IFT80: variants seen among roughly 807,000 people sequenced by gnomAD.
IFT80 encodes the protein intraflagellar transport 80, also known as intraflagellar transport protein 80 homolog.
A neutral mutation model predicts 107.9 loss-of-function variants in IFT80; 79 were observed. The ratio of observed to expected loss-of-function variants is 0.73; its 90% CI spans 0.61 to 0.88. The LOEUF is 0.88. IFT80 is among the 40% of genes least tolerant of loss of function. IFT80 has a pLI of 0.00. For synonymous variants in IFT80, 299 were observed against 300.9 expected, an observed-to-expected ratio of 0.99 and a Z score of 0.07; for missense variants, 797 against 914.2, an observed-to-expected ratio of 0.87 and a Z score of 1.65.
chr3:160,336,848 G>T (rs1021036611), intron 8 of IFT80, among the ~76,000 whole-genome samples: 2 of 151,998 alleles, frequency 1.3e-5, no homozygotes, highest in African/African-American at 4.8e-5. Context: ...TTAACCTAAT[G>T]ATTACATTTA....
chr3:160,350,185 C>G (rs1416867807), intron 8 of IFT80, among the ~76,000 whole-genome samples: 4 of 151,610 alleles, frequency 2.6e-5, no homozygotes, highest in Non-Finnish European at 4.4e-5. Context: ...GAGGCCAAGA[C>G]GAACAGATCA....
At chr3:160,360,340 G>A (rs1721402764) in intron 6 of IFT80, among the ~76,000 whole-genome samples, 1 of 152,202 alleles carries the variant, frequency 6.6e-6, no homozygotes, top group Admixed American at 6.5e-5. Context: ...AAGCCTCCAA[G>A]AAATATGGGA....
intron 19 of IFT80, among the ~76,000 whole-genome samples, chr3:160,263,718 C>T (rs977693278): frequency 1.3e-5 from 2 of 151,820 alleles, no homozygotes; most frequent in Admixed American, 6.6e-5. Context: ...ACTCTGTTGC[C>T]CATGCTGGAG....
In IFT80 at chr3:160,257,559, T is replaced by C. The variant is rs1194259481; in HGVS notation, c.*966A>G. Reference sequence around the variant, plus strand: ...CAAGTCAAGAGAGGAATGAGGAGAATCCTTCTTGCCCATTCTAGATATATT... The same window carrying C: ...CAAGTCAAGAGAGGAATGAGGAGAACCCTTCTTGCCCATTCTAGATATATT... On this transcript the variant is annotated 3_prime_UTR_variant, in exon 20 of 20. Coordinates refer to ENST00000326448, the MANE Select transcript of IFT80 (RefSeq NM_020800.3). 6.6e-6 allele frequency: 1 copy of C among 152,166 alleles called. No individual in the cohort carries two copies. Among genetic ancestry groups the C allele is most frequent in the Non-Finnish European group, 1.5e-5 (1 of 68,032 alleles). 9.4% of individuals were successfully genotyped at this position (152,166 alleles called of 1,614,324 possible).
At chr3:160,390,180 G>A (rs1025309985) in intron 1 of IFT80, among the ~76,000 whole-genome samples, 1 of 152,120 alleles carries the variant, frequency 6.6e-6, no homozygotes, top group Non-Finnish European at 1.5e-5. Flanking sequence ...CACTTTGGGA[G>A]GCCGAGGCGG....
intron 5 of IFT80, among the ~76,000 whole-genome samples, chr3:160,370,544 A>G (rs921635064): frequency 6.6e-6 from 1 of 150,682 alleles, no homozygotes; most frequent in African/African-American, 2.5e-5. Flanking sequence ...AATACAAGAA[A>G]AAGTTTAAAT....
intron 12 of IFT80, among the ~76,000 whole-genome samples, chr3:160,297,463 C>T (rs1716072645): frequency 2.0e-5 from 3 of 151,832 alleles, no homozygotes; most frequent in Admixed American, 6.6e-5. Flanking sequence ...TATAAAAATG[C>T]TACAATGTGT....
intron 19 of IFT80, among the ~76,000 whole-genome samples, chr3:160,259,861 A>T (rs1712675581): frequency 6.6e-6 from 1 of 152,228 alleles, no homozygotes. Flanking sequence ...TCTGATTTAC[A>T]GGAAATAAAT....
chr3:160,290,393 G>A (rs538280814), intron 12 of IFT80, among the ~76,000 whole-genome samples: 13 of 146,522 alleles, frequency 8.9e-5, no homozygotes, highest in South Asian at 6.5e-4. Context: ...GGGCAACAGC[G>A]CGAGACTGTC....
rs141311674 is a variant in IFT80, at chr3:160,376,909, G to A, written c.370+521C>T. 3.0e-3 allele frequency among the ~76,000 whole-genome samples: 460 copies of A among 152,190 alleles called. 2 individuals are homozygous for A. Among genetic ancestry groups the A allele is most frequent in the Admixed American group, 5.1e-3 (78 of 15,272 alleles). On this transcript the variant is annotated intron_variant, in intron 4 of 19. Transcript: ENST00000326448. ...GACAAGCCTTCATATGACTGCCGCC[G>A]CATCCAACAATTTGACCAGAACCTC...
rs867190295 is a variant in IFT80, at chr3:160,257,519, T to C, written c.*1006A>G. The C allele has an allele frequency of 6.6e-6, 1 of 152,220 alleles. No individual in the cohort carries two copies. Among genetic ancestry groups the C allele is most frequent in the Non-Finnish European group, 1.5e-5 (1 of 68,040 alleles). 9.4% of individuals were successfully genotyped at this position (152,220 alleles called of 1,614,324 possible). Reference sequence around the variant, plus strand: ...TCACAAATTCAGACTTCAGGGCCTATTGACTGATCATTCTCAAGTCAAGAG... The same window carrying C: ...TCACAAATTCAGACTTCAGGGCCTACTGACTGATCATTCTCAAGTCAAGAG... On this transcript the variant is annotated 3_prime_UTR_variant, in exon 20 of 20. Transcript: ENST00000326448.
At chr3:160,356,209 A>G in intron 7 of IFT80, 59 bp from the exon 8 acceptor site, 3 of 1,335,270 alleles carry the variant, frequency 2.2e-6, no homozygotes, top group East Asian at 5.0e-5. Context: ...GCAAAAACTA[A>G]AAGAAAAATA....
intron 4 of IFT80, 55 bp downstream of exon 4, chr3:160,377,375 T>C (rs909108820): frequency 7.8e-6 from 8 of 1,026,946 alleles, no homozygotes; most frequent in African/African-American, 1.6e-5. Flanking sequence ...TCTGTTTCTT[T>C]GGAAATTTTT....
chr3:160,334,279 A>T (rs570396812), intron 8 of IFT80, among the ~76,000 whole-genome samples: 6 of 152,242 alleles, frequency 3.9e-5, no homozygotes, highest in African/African-American at 1.4e-4. Context: ...GATGCTAGGG[A>T]TTTGCTTAAG....
intron 6 of IFT80, among the ~76,000 whole-genome samples, chr3:160,360,182 C>T (rs978226338): frequency 1.3e-5 from 2 of 152,120 alleles, no homozygotes; most frequent in African/African-American, 4.8e-5. Flanking sequence ...GAACTGAAAA[C>T]CATGGGATGA....
chr3:160,320,611 T>C (rs558494305), intron 8 of IFT80, among the ~76,000 whole-genome samples: 1 of 151,928 alleles, frequency 6.6e-6, no homozygotes, highest in African/African-American at 2.4e-5. Context: ...TATATGCACT[T>C]GTTTCATTTT....
chr3:160,277,504 A>AGT, intron 17 of IFT80, 26 bp from the exon 18 acceptor site: 1 of 1,575,450 alleles, frequency 6.3e-7, no homozygotes, highest in Non-Finnish European at 8.7e-7. Context: ...AAAATATTGA[A>AGT]GTAGATAGTA....
chr3:160,350,392 G>A (rs1474824159), intron 8 of IFT80, among the ~76,000 whole-genome samples: 5 of 147,974 alleles, frequency 3.4e-5, no homozygotes, highest in Non-Finnish European at 7.4e-5. Flanking sequence ...CTCCAGCCTG[G>A]GTGACAGAGC....
chr3:160,277,575 A>C lies in IFT80; in HGVS notation c.1926+6T>G. On this transcript the variant is annotated splice_donor_region_variant and intron_variant, in intron 17 of 19. Transcript: ENST00000326448. Reference sequence around the variant, plus strand: ...ATGTACATATATGTAAACATTAATTACTTACTTCACCAATTGCTGCATAGG... The same window carrying C: ...ATGTACATATATGTAAACATTAATTCCTTACTTCACCAATTGCTGCATAGG... 1 of 1,606,000 alleles carries C rather than the reference A, an allele frequency of 6.2e-7. No individual in the cohort carries two copies. Among genetic ancestry groups the C allele is most frequent in the Non-Finnish European group, 8.5e-7 (1 of 1,172,790 alleles).
Sources: allele counts gnomAD v4.1 joint callset (sites outside exome capture counted in the v4.1 genomes callset), GRCh38; gene constraint gnomAD v4.1.1; transcripts MANE v1.5; gene names NCBI Gene and HGNC (gene_info 2026-07-23, HGNC 2026-07-21).